The following AFG1L variants were observed in gnomAD, a reference collection of about 807,000 sequenced individuals.
The protein encoded by AFG1L is AFG1-like ATPase.
In AFG1L, 53 loss-of-function variants were observed where a neutral mutation model predicts 62.2. The observed-to-expected ratio is 0.85, with a 90% confidence interval of 0.68 to 1.07. The LOEUF (loss-of-function observed/expected upper bound fraction) is 1.07. AFG1L is among the 50% of genes least tolerant of loss of function. The probability of loss-of-function intolerance (pLI) is 0.00; values close to 1 mark genes in which losing one functional copy is unlikely to be tolerated. For missense variants in AFG1L, 555 were observed against 590.5 expected (o/e 0.94, Z 0.62); for synonymous variants, 228 against 210.3 (o/e 1.08, Z -0.73).
chr6:108,435,848 GT>G (rs1297340998), intron 7 of AFG1L, among the ~76,000 whole-genome samples: 1 of 152,192 alleles, frequency 6.6e-6, no homozygotes, highest in Admixed American at 6.5e-5. Context: ...TCTTCCTGTA[GT>G]TCCTAACATA....
intron 7 of AFG1L, among the ~76,000 whole-genome samples, chr6:108,416,022 T>C (rs1375752818): frequency 6.6e-6 from 1 of 152,160 alleles, no homozygotes; most frequent in African/African-American, 2.4e-5. Flanking sequence ...AATCTACTCA[T>C]CTGACAAAGG....
intron 7 of AFG1L, among the ~76,000 whole-genome samples, chr6:108,415,917 A>G (rs1387767614): frequency 6.6e-6 from 1 of 152,234 alleles, no homozygotes; most frequent in Non-Finnish European, 1.5e-5. Context: ...AAAATTGACA[A>G]ATGGGATCTA....
intron 5 of AFG1L, among the ~76,000 whole-genome samples, chr6:108,358,453 G>A (rs1457988255): frequency 6.6e-6 from 1 of 152,088 alleles, no homozygotes; most frequent in Non-Finnish European, 1.5e-5. Flanking sequence ...AATTTCCTAG[G>A]TATCATGTAA....
intron 10 of AFG1L, among the ~76,000 whole-genome samples, chr6:108,491,083 G>A (rs1456646652): frequency 2.6e-5 from 4 of 152,120 alleles, no homozygotes; most frequent in Non-Finnish European, 5.9e-5. Flanking sequence ...TATTTTATAT[G>A]TGTGTACAGA....
chr6:108,383,670 GC>G, intron 6 of AFG1L, among the ~76,000 whole-genome samples: 1 of 152,272 alleles, frequency 6.6e-6, no homozygotes, highest in East Asian at 1.9e-4. Context: ...TGTTCCCTTT[GC>G]AGGGAGAGTT....
At chr6:108,370,170 G>A (rs566321342) in intron 6 of AFG1L, among the ~76,000 whole-genome samples, 5 of 152,100 alleles carry the variant, frequency 3.3e-5, no homozygotes, top group East Asian at 1.9e-4. Context: ...ACCTTTTAGC[G>A]TAATAAGGAT....
At chr6:108,451,742 A>G (rs1312505837) in intron 8 of AFG1L, among the ~76,000 whole-genome samples, 1 of 151,810 alleles carries the variant, frequency 6.6e-6, no homozygotes, top group Non-Finnish European at 1.5e-5. Context: ...GGGGACACGG[A>G]GTCTTGCTCT....
At chr6:108,449,190 T>C (rs1771947028) in intron 8 of AFG1L, among the ~76,000 whole-genome samples, 1 of 151,186 alleles carries the variant, frequency 6.6e-6, no homozygotes, top group African/African-American at 2.4e-5. Context: ...TGTATACATA[T>C]ACACTTACAT....
chr6:108,329,260 C>T (rs1045751118), intron 2 of AFG1L, among the ~76,000 whole-genome samples: 2 of 151,172 alleles, frequency 1.3e-5, no homozygotes, highest in Admixed American at 1.3e-4. Context: ...CCTAAACCCA[C>T]TAAATCTTTA....
At chr6:108,470,427 G>T (rs1423909329) in intron 8 of AFG1L, among the ~76,000 whole-genome samples, 1 of 152,222 alleles carries the variant, frequency 6.6e-6, no homozygotes, top group East Asian at 1.9e-4. Context: ...ATATAACCAT[G>T]AGGGCTTATA....
intron 6 of AFG1L, among the ~76,000 whole-genome samples, chr6:108,369,687 C>T (rs1779911163): frequency 6.6e-6 from 1 of 151,960 alleles, no homozygotes; most frequent in Non-Finnish European, 1.5e-5. Flanking sequence ...TGGTTAACTG[C>T]AACCTCTGCC....
At chr6:108,401,382 T>A (rs976883837) in intron 6 of AFG1L, among the ~76,000 whole-genome samples, 1 of 151,796 alleles carries the variant, frequency 6.6e-6, no homozygotes, top group African/African-American at 2.4e-5. Flanking sequence ...GACCTCATGA[T>A]CCACCCGCCT....
chr6:108,402,186 C>G, intron 7 of AFG1L, 132 bp downstream of exon 7: 1 of 448,462 alleles, frequency 2.2e-6, no homozygotes, highest in Non-Finnish European at 4.0e-6. Context: ...AGTCAGGGGC[C>G]GGGCACGGTG....
intron 2 of AFG1L, among the ~76,000 whole-genome samples, chr6:108,336,461 A>G (rs1451678042): frequency 1.3e-5 from 2 of 152,310 alleles, no homozygotes; most frequent in East Asian, 3.9e-4. Flanking sequence ...TATAACTTTG[A>G]TGAGAATCAC....
intron 2 of AFG1L, among the ~76,000 whole-genome samples, chr6:108,325,542 G>C (rs1279297577): frequency 6.6e-6 from 1 of 151,744 alleles, no homozygotes; most frequent in Non-Finnish European, 1.5e-5. Context: ...CTAGAGGGCA[G>C]TGGTGTGATC....
intron 6 of AFG1L, among the ~76,000 whole-genome samples, chr6:108,380,013 A>G (rs1389464272): frequency 6.6e-6 from 1 of 152,004 alleles, no homozygotes; most frequent in Non-Finnish European, 1.5e-5. Context: ...TTGCCTGGGC[A>G]TGGAGCAGAG....
At chr6:108,415,665 T>C (rs1045237143) in intron 7 of AFG1L, among the ~76,000 whole-genome samples, 1 of 152,094 alleles carries the variant, frequency 6.6e-6, no homozygotes, top group Non-Finnish European at 1.5e-5. Context: ...AAACAAGAAA[T>C]GGGGAAAGGT....
intron 2 of AFG1L, among the ~76,000 whole-genome samples, chr6:108,328,691 C>T (rs1778155480): frequency 6.6e-6 from 1 of 152,070 alleles, no homozygotes; most frequent in Non-Finnish European, 1.5e-5. Flanking sequence ...TCCCTCCTCC[C>T]TACTCTATAG....
At chr6:108,305,436 A>G (rs1237975067) in intron 1 of AFG1L, among the ~76,000 whole-genome samples, 3 of 152,156 alleles carry the variant, frequency 2.0e-5, no homozygotes, top group Non-Finnish European at 4.4e-5. Context: ...CTCAGGCTGG[A>G]GTGCAGTGGT....
Sources: gnomAD v4.1 joint callset for allele counts (sites outside exome capture counted in the v4.1 genomes callset) on GRCh38, gnomAD v4.1.1 for gene constraint, MANE v1.5 for transcripts, NCBI Gene and HGNC (gene_info 2026-07-23, HGNC 2026-07-21) for gene names.